The following XKR5 variants were observed in gnomAD, a reference collection of about 807,000 sequenced individuals.
XKR5 encodes the protein XK-related protein 5.
XKR5 carries 46 observed loss-of-function variants against 40.8 expected under a neutral mutation model. That is an observed-to-expected ratio of 1.13 (90% CI 0.89 to 1.44). The LOEUF is 1.44. XKR5 is among the 40% of genes most tolerant of loss of function. The pLI is 0.00. For missense variants in XKR5, 1,169 were observed against 844.7 expected, an observed-to-expected ratio of 1.38 and a Z score of -4.76; for synonymous variants, 466 against 356.1, an observed-to-expected ratio of 1.31 and a Z score of -3.48.
At chr8:6,816,838 T>G (rs556437009) in intron 5 of XKR5, among the ~76,000 whole-genome samples, 2 of 151,752 alleles carry the variant, frequency 1.3e-5, no homozygotes, top group Admixed American at 6.6e-5. Context: ...TCAAAAGATT[T>G]GCCAGGTTAT....
intron 5 of XKR5, among the ~76,000 whole-genome samples, chr8:6,820,205 C>T (rs1804170516): frequency 2.0e-5 from 3 of 152,236 alleles, no homozygotes; most frequent in Non-Finnish European, 2.9e-5. Context: ...TCCAAGCCCC[C>T]GGGCTAGGAC....
chr8:6,832,930 T>G (rs1804839323), intron 1 of XKR5, 30 bp from the exon 2 acceptor site: 1 of 1,523,982 alleles, frequency 6.6e-7, no homozygotes, highest in Non-Finnish European at 8.8e-7. Context: ...GCAAGCAGGT[T>G]GTTGGAAGGC....
chr8:6,819,095 GGGT>G (rs1170433050), intron 5 of XKR5, among the ~76,000 whole-genome samples: 2 of 152,328 alleles, frequency 1.3e-5, no homozygotes, highest in Admixed American at 6.5e-5. Flanking sequence ...AGGGATGTGG[GGGT>G]GGTACACTCT....
At chr8:6,814,861 T>C (rs1449186241) in intron 6 of XKR5, among the ~76,000 whole-genome samples, 1 of 152,150 alleles carries the variant, frequency 6.6e-6, no homozygotes, top group African/African-American at 2.4e-5. Context: ...CACTAAGTGT[T>C]TGTGTCCAGG....
In XKR5 at chr8:6,819,247, C is replaced by T. The variant is rs184677294; in HGVS notation, c.807+2622G>A. On this transcript the variant is annotated intron_variant, in intron 5 of 6. Transcript: ENST00000618742. ...TCCAGGGCCTGGGGTCTGGCAGCCTCTTTCCTGTGTGAGCTGCTGTCTCGA... is the reference window on the plus strand; with the variant it reads ...TCCAGGGCCTGGGGTCTGGCAGCCTTTTTCCTGTGTGAGCTGCTGTCTCGA... 8.8e-3 allele frequency among the ~76,000 whole-genome samples: 1,338 copies of T among 152,324 alleles called. 71 individuals are homozygous for T. The highest frequency in any genetic ancestry group is 0.08 in the Admixed American group (1,229 of 15,300).
chr8:6,813,652 G>T (rs1045948586), intron 6 of XKR5, among the ~76,000 whole-genome samples: 7 of 152,204 alleles, frequency 4.6e-5, no homozygotes, highest in African/African-American at 1.4e-4. Context: ...ATCAGAGGCC[G>T]GAGGAGGAGC....
chr8:6,819,282 C>T (rs1433259273), intron 5 of XKR5, among the ~76,000 whole-genome samples: 1 of 152,192 alleles, frequency 6.6e-6, no homozygotes, highest in African/African-American at 2.4e-5. Context: ...AGGGCTGGGG[C>T]TGCGTGGGTC....
chr8:6,834,836 C>A (rs963027675), intron 1 of XKR5, among the ~76,000 whole-genome samples: 1 of 151,980 alleles, frequency 6.6e-6, no homozygotes, highest in African/African-American at 2.4e-5. Context: ...CTCTGGGTTC[C>A]CCCTGCGACG....
In XKR5 at chr8:6,808,699, T is replaced by A. The variant is rs1792925627; in HGVS notation, c.*2499A>T. ...CATGCCTTGATTTCTGCATACTCAG[T>A]GCCTGTCATACTCAACTAATATTCC... On this transcript the variant is annotated 3_prime_UTR_variant, in exon 7 of 7. Transcript: ENST00000618742. 6.6e-6 allele frequency: 1 copy of A among 152,192 alleles called. No homozygotes were observed. Among genetic ancestry groups the A allele is most frequent in the African/African-American group, 2.4e-5 (1 of 41,434 alleles). The allele number at this position is 152,192 out of a possible 1,614,324, so 9.4% of individuals were successfully genotyped here.
chr8:6,815,846 G>C lies in XKR5; in HGVS notation c.880C>G (p.Leu294Val). ...DFLQGASWTS[L>V]QTIAGVLSGF... is the part of the protein sequence containing the mutation. The stretch of plus-strand genomic sequence containing the variant: ...GACAGGACCCCAGCTATGGTCTGCA[G>C]GCTGGTCCACGATGCCCCCTGGAGA... The change falls in exon 6 of 7, where the codon CTG becomes GTG. Residue 294 changes from leucine (L) to valine (V), a missense_variant. Physicochemically the swap from Leu to Val is conservative, Grantham distance 32. Transcript: ENST00000618742. 1 of 1,605,684 alleles carries C rather than the reference G, an allele frequency of 6.2e-7. No homozygotes were observed. Among genetic ancestry groups the C allele is most frequent in the Non-Finnish European group, 8.5e-7 (1 of 1,176,166 alleles).
rs1273280950 is a variant in XKR5 at position 6,808,974 on chromosome 8, C to CA, written c.*2223dup. Reference sequence around the variant, plus strand: ...ACTCTGCTGGACCTTGGAGTTAGCCCAGAAGGAGGACTGCAACCCTTAATT... The same window carrying CA: ...ACTCTGCTGGACCTTGGAGTTAGCCCAAGAAGGAGGACTGCAACCCTTAATT... On this transcript the variant is annotated 3_prime_UTR_variant, in exon 7 of 7. Coordinates refer to ENST00000618742, the MANE Select transcript of XKR5 (RefSeq NM_207411.5). 6.6e-6 allele frequency: 1 copy of CA among 152,208 alleles called. No homozygotes were observed. The highest frequency in any genetic ancestry group is 1.5e-5 in the Non-Finnish European group (1 of 68,068). 9.4% of individuals were successfully genotyped at this position (152,208 alleles called of 1,614,324 possible). A position where few individuals can be genotyped will look rare whatever the true frequency, so the allele number is the denominator to read the frequency against.
rs11137072 is a variant in XKR5, at chr8:6,834,830, G to A, written c.58+606C>T. Among the ~76,000 whole-genome samples the A allele has an allele frequency of 1.7e-3, 251 of 152,104 alleles. 3 individuals are homozygous for A. The highest frequency in any genetic ancestry group is 5.8e-3 in the African/African-American group (241 of 41,412). On this transcript the variant is annotated intron_variant, in intron 1 of 6. Coordinates refer to ENST00000618742, the MANE Select transcript of XKR5 (RefSeq NM_207411.5). The stretch of plus-strand genomic sequence containing the variant: ...TGCTCCGCCGCGGCTGGCGGGCTCT[G>A]GGTTCCCCCTGCGACGGAGGTGGCC...
At chr8:6,829,986 C>T (rs1217602198) in intron 2 of XKR5, among the ~76,000 whole-genome samples, 2 of 151,770 alleles carry the variant, frequency 1.3e-5, no homozygotes, top group Admixed American at 6.6e-5. Context: ...TACAGGCGCC[C>T]GCCACCACGC....
chr8:6,812,212 C>A lies in XKR5; in HGVS notation c.1047G>T (p.Arg349=). 6 of 1,551,876 alleles carry A rather than the reference C, an allele frequency of 3.9e-6. No individual in the cohort carries two copies. The highest frequency in any genetic ancestry group is 5.2e-6 in the Non-Finnish European group (6 of 1,147,022). ...GDKTERRDSP[R]ATDLAGKRTE... ...TTCTCTTCCCAGCTAGATCTGTGGC[C>A]CGGGGAGAATCTCTTCTCTCTGTTT... The change falls in exon 7 of 7, where the codon CGG becomes CGT. Residue 349 remains arginine, a synonymous_variant. Coordinates refer to ENST00000618742, the MANE Select transcript of XKR5 (RefSeq NM_207411.5).
chr8:6,833,648 G>A (rs1404422467), intron 1 of XKR5, among the ~76,000 whole-genome samples: 9 of 152,280 alleles, frequency 5.9e-5, no homozygotes, highest in East Asian at 3.9e-4. Context: ...CTCAGGAGGC[G>A]GAGTTTGCAG....
At chr8:6,825,513 A>G (rs1804424345) in intron 2 of XKR5, among the ~76,000 whole-genome samples, 164 bp from the exon 3 acceptor site, 1 of 151,282 alleles carries the variant, frequency 6.6e-6, no homozygotes, top group Non-Finnish European at 1.5e-5. Context: ...CTGCAAGCAG[A>G]AGACGTCACT....
intron 3 of XKR5, among the ~76,000 whole-genome samples, chr8:6,824,388 T>A (rs1804368889): frequency 6.6e-6 from 1 of 151,596 alleles, no homozygotes; most frequent in Non-Finnish European, 1.5e-5. Flanking sequence ...AAGAAGCAAC[T>A]GAGAGAAACA....
At chr8:6,833,328 C>T (rs1804858552) in intron 1 of XKR5, among the ~76,000 whole-genome samples, 1 of 152,252 alleles carries the variant, frequency 6.6e-6, no homozygotes, top group African/African-American at 2.4e-5. Context: ...CTCCTGCCTC[C>T]TGACCACCCT....
intron 5 of XKR5, among the ~76,000 whole-genome samples, chr8:6,819,923 C>T (rs1018514630): frequency 1.3e-5 from 2 of 150,274 alleles, no homozygotes; most frequent in African/African-American, 2.4e-5. Context: ...TCTCTTGCCC[C>T]CGATGTCTGT....
Sources: gnomAD v4.1 joint callset for allele counts (sites outside exome capture counted in the v4.1 genomes callset) on GRCh38, gnomAD v4.1.1 for gene constraint, MANE v1.5 for transcripts, NCBI Gene and HGNC (gene_info 2026-07-23, HGNC 2026-07-21) for gene names.